The following GRM8 variants were observed in gnomAD, a reference collection of about 807,000 sequenced individuals.
GRM8 encodes the protein metabotropic glutamate receptor 8.
GRM8 carries 47 observed loss-of-function variants against 87.2 expected under a neutral mutation model. That is an observed-to-expected ratio of 0.54 (90% confidence interval 0.43 to 0.69). GRM8 has a LOEUF of 0.69. Among genes scored for constraint, GRM8 ranks in the 30% least tolerant of loss-of-function variants. The pLI, the probability that GRM8 is intolerant of heterozygous loss-of-function variation, is 0.00. For missense variants in GRM8, 1,019 were observed against 1,139.2 expected (o/e 0.89, Z 1.52); for synonymous variants, 396 against 404.5 (o/e 0.98, Z 0.25).
At chr7:127,077,138 G>A (rs1689893776) in intron 3 of GRM8, among the ~76,000 whole-genome samples, 1 of 152,108 alleles carries the variant, frequency 6.6e-6, no homozygotes, top group Non-Finnish European at 1.5e-5. Flanking sequence ...AGATGTGTCT[G>A]TGTGAGTATG....
intron 5 of GRM8, 91 bp from the exon 6 acceptor site, chr7:126,902,770 C>T (rs1015747810): frequency 1.2e-6 from 1 of 865,986 alleles, no homozygotes. Flanking sequence ...CTGATCACTG[C>T]ATGAAAAGAA....
At chr7:127,071,781 T>G (rs1177761677) in intron 3 of GRM8, among the ~76,000 whole-genome samples, 1 of 152,216 alleles carries the variant, frequency 6.6e-6, no homozygotes, top group African/African-American at 2.4e-5. Context: ...ATCTTTTCTA[T>G]ATATACATAT....
intron 7 of GRM8, among the ~76,000 whole-genome samples, chr7:126,629,302 C>A (rs193044825): frequency 6.6e-6 from 1 of 152,154 alleles, no homozygotes; most frequent in Non-Finnish European, 1.5e-5. Context: ...GGATTAGAAT[C>A]GCATTACATT....
chr7:127,030,610 G>A (rs527582031), intron 3 of GRM8, among the ~76,000 whole-genome samples: 54 of 152,066 alleles, frequency 3.6e-4, no homozygotes, highest in African/African-American at 1.2e-3. Flanking sequence ...ACACATAATA[G>A]TACTCATTAA....
At chr7:126,475,860 T>A (rs1805844190) in intron 9 of GRM8, among the ~76,000 whole-genome samples, 1 of 152,074 alleles carries the variant, frequency 6.6e-6, no homozygotes, top group Non-Finnish European at 1.5e-5. Context: ...AAATATGCAA[T>A]GGGGAAAACA....
intron 3 of GRM8, among the ~76,000 whole-genome samples, chr7:126,977,396 C>T (rs527239450): frequency 2.2e-4 from 34 of 152,206 alleles, no homozygotes; most frequent in Non-Finnish European, 4.3e-4. Context: ...GTACCCTCCT[C>T]TCAGTCCTAC....
intron 9 of GRM8, among the ~76,000 whole-genome samples, chr7:126,477,288 T>G (rs2032392579): frequency 6.6e-6 from 1 of 152,072 alleles, no homozygotes; most frequent in Non-Finnish European, 1.5e-5. Context: ...GTTTCAGTTA[T>G]ATAATAAATA....
chr7:127,135,848 T>C (rs896912537), intron 2 of GRM8, among the ~76,000 whole-genome samples: 1 of 152,166 alleles, frequency 6.6e-6, no homozygotes, highest in East Asian at 1.9e-4. Context: ...TAACTATTAT[T>C]ATTTCATTAG....
At chr7:127,201,377 T>C (rs780485018) in intron 2 of GRM8, among the ~76,000 whole-genome samples, 1 of 152,232 alleles carries the variant, frequency 6.6e-6, no homozygotes, top group Non-Finnish European at 1.5e-5. Flanking sequence ...GTAACAGATC[T>C]GGGGCTGCCG....
intron 9 of GRM8, among the ~76,000 whole-genome samples, chr7:126,529,632 G>A (rs531546431): frequency 3.3e-5 from 5 of 151,634 alleles, no homozygotes; most frequent in East Asian, 1.9e-4. Context: ...TGTTTCCATC[G>A]GATGCTCTAG....
chr7:126,491,426 C>T (rs1180179634), intron 9 of GRM8, among the ~76,000 whole-genome samples: 1 of 152,028 alleles, frequency 6.6e-6, no homozygotes, highest in East Asian at 1.9e-4. Flanking sequence ...TTGTCATTTA[C>T]ATTTTCATAA....
At chr7:126,770,799 A>C (rs1818759845) in intron 6 of GRM8, among the ~76,000 whole-genome samples, 1 of 152,088 alleles carries the variant, frequency 6.6e-6, no homozygotes, top group African/African-American at 2.4e-5. Context: ...ATGAGAGATC[A>C]ACTATGATCC....
intron 3 of GRM8, among the ~76,000 whole-genome samples, chr7:126,935,209 A>G (rs1163970259): frequency 6.6e-6 from 1 of 152,180 alleles, no homozygotes; most frequent in Non-Finnish European, 1.5e-5. Flanking sequence ...GCATGAAACT[A>G]CAGAGAGGCA....
intron 3 of GRM8, among the ~76,000 whole-genome samples, chr7:127,074,244 G>A (rs1458895263): frequency 2.0e-5 from 3 of 152,122 alleles, no homozygotes; most frequent in African/African-American, 7.2e-5. Flanking sequence ...ATTGGGGTAG[G>A]GGTGGCTACT....
intron 3 of GRM8, among the ~76,000 whole-genome samples, chr7:127,022,923 A>C (rs185296068): frequency 6.6e-6 from 1 of 152,156 alleles, no homozygotes; most frequent in East Asian, 1.9e-4. Context: ...TTATGAGAAC[A>C]TGTTTTTAAA....
intron 2 of GRM8, among the ~76,000 whole-genome samples, chr7:127,165,171 T>G (rs1292077179): frequency 6.0e-5 from 4 of 66,666 alleles, no homozygotes; most frequent in Middle Eastern, 5.9e-3. Context: ...TATATATATA[T>G]ATATATATAT....
chr7:127,011,687 A>G (rs1814913482), intron 3 of GRM8, among the ~76,000 whole-genome samples: 1 of 152,182 alleles, frequency 6.6e-6, no homozygotes, highest in African/African-American at 2.4e-5. Context: ...GATTTCCAAC[A>G]AAAGCTTTAT....
intron 3 of GRM8, among the ~76,000 whole-genome samples, chr7:126,950,813 TAA>T (rs1808061313): frequency 6.6e-6 from 1 of 152,164 alleles, no homozygotes; most frequent in South Asian, 2.1e-4. Flanking sequence ...TAGTAAGTTG[TAA>T]AAGTCAAAAA....
chr7:126,451,096 G>C (rs776274981), intron 9 of GRM8, among the ~76,000 whole-genome samples: 17 of 151,916 alleles, frequency 1.1e-4, no homozygotes, highest in Non-Finnish European at 2.1e-4. Flanking sequence ...AAATTATATA[G>C]CTAGTCCTCT....
Sources: gnomAD v4.1 joint callset for allele counts (sites outside exome capture counted in the v4.1 genomes callset) on GRCh38, gnomAD v4.1.1 for gene constraint, MANE v1.5 for transcripts, NCBI Gene and HGNC (gene_info 2026-07-23, HGNC 2026-07-21) for gene names.